SHISA9: variants seen among roughly 807,000 people sequenced by gnomAD.
The protein encoded by SHISA9 is protein shisa-9.
Under a neutral mutation model 38.0 loss-of-function variants are expected in SHISA9, and 13 were observed. The ratio of observed to expected loss-of-function variants is 0.34; its 90% CI spans 0.22 to 0.54. The LOEUF is 0.54. Ranked by LOEUF, SHISA9 falls within the 20% of genes least tolerant of loss-of-function variation. SHISA9 has a pLI of 0.91. For synonymous variants in SHISA9, 275 were observed against 242.0 expected (o/e 1.14, Z -1.27); for missense variants, 538 against 575.8 (o/e 0.93, Z 0.67).
At chr16:13,069,792 C>T (rs114735238) in intron 2 of SHISA9, among the ~76,000 whole-genome samples, 1,602 of 152,138 alleles carry the variant, frequency 0.011, 30 homozygotes, top group African/African-American at 0.036. Flanking sequence ...GAGGGCTTTG[C>T]TCTCATGAAT....
chr16:13,111,189 C>T (rs1242086438), intron 2 of SHISA9, among the ~76,000 whole-genome samples: 1 of 152,046 alleles, frequency 6.6e-6, no homozygotes, highest in Non-Finnish European at 1.5e-5. Context: ...CCAAAATTGA[C>T]AAATGGGATC....
chr16:12,991,638 C>G (rs1310847550), intron 2 of SHISA9, among the ~76,000 whole-genome samples: 3 of 152,158 alleles, frequency 2.0e-5, no homozygotes, highest in Non-Finnish European at 4.4e-5. Context: ...TAACGTCACT[C>G]TGTTCATTGC....
At chr16:13,150,386 C>T (rs1367866519) in intron 2 of SHISA9, among the ~76,000 whole-genome samples, 1 of 152,132 alleles carries the variant, frequency 6.6e-6, no homozygotes, top group Non-Finnish European at 1.5e-5. Flanking sequence ...TCTGTCACTG[C>T]TCCTTAGATG....
chr16:13,544,043 C>T, the SHISA9 span, among the ~76,000 whole-genome samples: 1 of 152,088 alleles, frequency 6.6e-6, no homozygotes, highest in Non-Finnish European at 1.5e-5. Context: ...ACCCCATGGA[C>T]ATGAAAGTGT....
chr16:13,215,706 C>T (rs1210780268), intron 4 of SHISA9, among the ~76,000 whole-genome samples: 1 of 152,136 alleles, frequency 6.6e-6, no homozygotes, highest in Non-Finnish European at 1.5e-5. Flanking sequence ...CTGCTAAAGG[C>T]ACCTTTATCC....
intron 3 of SHISA9, among the ~76,000 whole-genome samples, chr16:13,208,897 GA>G (rs1163004011): frequency 2.0e-5 from 3 of 152,246 alleles, no homozygotes; most frequent in South Asian, 2.1e-4. Flanking sequence ...TAAAACTAGT[GA>G]ATAATACCAT....
At chr16:13,519,731 C>T in the SHISA9 span, among the ~76,000 whole-genome samples, 1 of 152,150 alleles carries the variant, frequency 6.6e-6, no homozygotes, top group Non-Finnish European at 1.5e-5. Context: ...TCCTTCTTCA[C>T]ATGGTGGCAG....
chr16:12,932,505 C>T (rs1264175017), intron 2 of SHISA9, among the ~76,000 whole-genome samples: 1 of 152,074 alleles, frequency 6.6e-6, no homozygotes, highest in Non-Finnish European at 1.5e-5. Flanking sequence ...CCATGCCTCG[C>T]TAATTTAGTA....
the SHISA9 span, among the ~76,000 whole-genome samples, chr16:13,352,707 G>GGGGGC: frequency 8.9e-5 from 1 of 11,228 alleles, no homozygotes; most frequent in African/African-American, 2.5e-4. Context: ...TAAGGGGGGG[G>GGGGGC]GGGGGCGGGG....
intron 2 of SHISA9, among the ~76,000 whole-genome samples, chr16:13,140,824 C>G (rs941097802): frequency 2.0e-5 from 3 of 152,088 alleles, no homozygotes; most frequent in East Asian, 3.9e-4. Context: ...CACCCAATAA[C>G]TAGACTAGGA....
chr16:13,099,419 G>T (rs184780313), intron 2 of SHISA9, among the ~76,000 whole-genome samples: 1 of 152,206 alleles, frequency 6.6e-6, no homozygotes, highest in Non-Finnish European at 1.5e-5. Flanking sequence ...AAACAAGGGT[G>T]GGGGACAAAG....
intron 2 of SHISA9, among the ~76,000 whole-genome samples, chr16:13,199,324 A>G (rs926828975): frequency 6.6e-6 from 1 of 152,342 alleles, no homozygotes; most frequent in East Asian, 1.9e-4. Context: ...GGCACGCTCT[A>G]TGCACGAGTC....
chr16:13,453,075 A>C, the SHISA9 span, among the ~76,000 whole-genome samples: 12 of 151,518 alleles, frequency 7.9e-5, no homozygotes, highest in Non-Finnish European at 8.8e-5. Flanking sequence ...TACCTGGCTA[A>C]TTTTTGTATT....
rs190076045 is a variant in SHISA9, at chr16:13,074,840, A to T, written c.692-128554A>T. 2.6e-5 allele frequency among the ~76,000 whole-genome samples: 4 copies of T among 151,422 alleles called. No individual in the cohort carries two copies. In the East Asian group the frequency reaches 7.8e-4, roughly 30 times the overall value. On this transcript the variant is annotated intron_variant, in intron 2 of 4. Coordinates refer to ENST00000558583, the MANE Select transcript of SHISA9 (RefSeq NM_001145204.3). ...CCACCATGCCTGGCTAATTTTTGTG[A>T]TTTAATAGAGATGGGGTTTCACCAA...
chr16:12,972,455 A>C (rs1596557841), intron 2 of SHISA9, among the ~76,000 whole-genome samples: 2 of 152,294 alleles, frequency 1.3e-5, no homozygotes, highest in East Asian at 3.9e-4. Context: ...AGTGATATAT[A>C]ATGAGGTGAG....
At chr16:13,407,314 C>T in the SHISA9 span, among the ~76,000 whole-genome samples, 8 of 152,044 alleles carry the variant, frequency 5.3e-5, no homozygotes, top group Non-Finnish European at 8.8e-5. Context: ...AGAGAGACAG[C>T]GCTGGTCTCT....
At chr16:13,456,458 C>T in the SHISA9 span, among the ~76,000 whole-genome samples, 121 of 152,332 alleles carry the variant, frequency 7.9e-4, no homozygotes, top group Non-Finnish European at 1.3e-3. Flanking sequence ...ATGAATGAAT[C>T]GTTCACTGGG....
chr16:13,179,598 C>T (rs940348649), intron 2 of SHISA9, among the ~76,000 whole-genome samples: 1 of 152,216 alleles, frequency 6.6e-6, no homozygotes, highest in African/African-American at 2.4e-5. Flanking sequence ...GAGAAATCCT[C>T]TGTTAATACT....
the SHISA9 span, among the ~76,000 whole-genome samples, chr16:13,247,213 G>A: frequency 6.6e-6 from 1 of 152,068 alleles, no homozygotes; most frequent in Admixed American, 6.6e-5. Context: ...CATGAGAACA[G>A]CATGGGGGAA....
Sources: allele counts gnomAD v4.1 joint callset (sites outside exome capture counted in the v4.1 genomes callset), GRCh38; gene constraint gnomAD v4.1.1; transcripts MANE v1.5; gene names NCBI Gene and HGNC (gene_info 2026-07-23, HGNC 2026-07-21).